The following CFH variants were observed in gnomAD, a reference collection of about 807,000 sequenced individuals.
CFH encodes H factor 1 (complement).
Under a neutral mutation model 147.3 loss-of-function variants are expected in CFH, and 53 were observed. That is an observed-to-expected ratio of 0.36 (90% confidence interval 0.29 to 0.45). The LOEUF (loss-of-function observed/expected upper bound fraction) is 0.45. Ranked by LOEUF, CFH falls within the 20% of genes least tolerant of loss-of-function variation. The probability of loss-of-function intolerance (pLI) is 1.00; values close to 1 mark genes in which losing one functional copy is unlikely to be tolerated. For missense variants in CFH, 1,380 were observed against 1,498.0 expected, an observed-to-expected ratio of 0.92 and a Z score of 1.30; for synonymous variants, 536 against 489.4, an observed-to-expected ratio of 1.10 and a Z score of -1.26.
rs1558172767 is a variant in CFH at position 196,713,753 on chromosome 1, G to C, written c.1355G>C (p.Ser452Thr). 14 of 1,592,250 alleles carry C rather than the reference G, an allele frequency of 8.8e-6. 1 individual carries two copies. Among genetic ancestry groups the C allele is most frequent in the Non-Finnish European group, 1.2e-5 (14 of 1,161,470 alleles). The part of the protein sequence containing the change: ...CIRVKTCSKS[S>T]IDIENGFISE... ...CTTTTAGAAACATGTTCCAAATCAA[G>C]TATAGATATTGAGAATGGGTTTATT... Residue 452 changes from serine to threonine, a missense_variant, in exon 10 of 22, where the codon AGT becomes ACT. Ser to Thr is a moderately conservative substitution (Grantham distance 58). Coordinates refer to ENST00000367429, the MANE Select transcript of CFH (RefSeq NM_000186.4).
At chr1:196,705,326 A>G (rs765059829) in intron 9 of CFH, among the ~76,000 whole-genome samples, 1 of 152,116 alleles carries the variant, frequency 6.6e-6, no homozygotes, top group Non-Finnish European at 1.5e-5. Context: ...CGGACTGGAG[A>G]GAAGCTCTTG....
intron 17 of CFH, among the ~76,000 whole-genome samples, chr1:196,738,495 A>T (rs895004234): frequency 1.6e-4 from 25 of 152,328 alleles, no homozygotes; most frequent in African/African-American, 6.0e-4. Flanking sequence ...CTTCCATTCC[A>T]AAAGGGAGGA....
intron 2 of CFH, chr1:196,673,377 G>C (rs145874136): frequency 1.8e-6 from 1 of 547,670 alleles, no homozygotes; most frequent in Admixed American, 3.1e-5. Context: ...TCCCTCTATC[G>C]CCTGGCTGGA....
chr1:196,658,952 C>G (rs897982677), intron 1 of CFH, among the ~76,000 whole-genome samples: 1 of 152,058 alleles, frequency 6.6e-6, no homozygotes, highest in Non-Finnish European at 1.5e-5. Flanking sequence ...AATTAACTGG[C>G]AATTAAATGA....
intron 10 of CFH, among the ~76,000 whole-genome samples, chr1:196,714,982 A>G (rs1233161242): frequency 6.6e-6 from 1 of 151,900 alleles, no homozygotes; most frequent in African/African-American, 2.4e-5. Flanking sequence ...AATATTTAAT[A>G]TACTCATGTT....
rs555746146 is a variant in CFH at position 196,690,711 on chromosome 1, A to G, written c.1336+472A>G. On this transcript the variant is annotated intron_variant, in intron 9 of 21. Transcript: ENST00000367429. ...TGAATCCCTGCCCCTGGTGGAGTGC[A>G]CTGGATTTTATAAACGGTCTTGAGG... Among the ~76,000 whole-genome samples the G allele has an allele frequency of 2.0e-5, 3 of 152,266 alleles. No individual in the cohort carries two copies. In the East Asian group the frequency reaches 5.8e-4, roughly 29 times the overall value.
At chr1:196,700,278 A>G (rs1399151751) in intron 9 of CFH, among the ~76,000 whole-genome samples, 1 of 152,190 alleles carries the variant, frequency 6.6e-6, no homozygotes, top group African/African-American at 2.4e-5. Flanking sequence ...TGCAATTGGT[A>G]AACTCTCTGT....
At chr1:196,729,205 A>T (rs1354493877) in intron 15 of CFH, among the ~76,000 whole-genome samples, 2 of 152,090 alleles carry the variant, frequency 1.3e-5, no homozygotes, top group African/African-American at 2.4e-5. Context: ...CAACCAATAC[A>T]AAAACTAATC....
intron 9 of CFH, among the ~76,000 whole-genome samples, chr1:196,708,750 G>A (rs1373187377): frequency 1.3e-5 from 2 of 151,954 alleles, no homozygotes; most frequent in African/African-American, 4.8e-5. Flanking sequence ...TATATTAAGG[G>A]CTCTCACTTA....
intron 18 of CFH, chr1:196,741,364 T>A (rs1167777250): frequency 5.7e-6 from 1 of 176,614 alleles, no homozygotes; most frequent in Non-Finnish European, 1.2e-5. Flanking sequence ...AGGCACCTTC[T>A]TCACAAGGTG....
chr1:196,742,118 T>C, intron 19 of CFH, 67 bp downstream of exon 19: 2 of 1,504,700 alleles, frequency 1.3e-6, no homozygotes, highest in Admixed American at 1.7e-5. Context: ...CTGGCGCCTG[T>C]AATCCCAGCA....
At chr1:196,657,833 T>G (rs1158837498) in intron 1 of CFH, among the ~76,000 whole-genome samples, 1 of 151,618 alleles carries the variant, frequency 6.6e-6, no homozygotes, top group Admixed American at 6.6e-5. Context: ...AATAGAATAA[T>G]TGAACAAAGA....
intron 1 of CFH, among the ~76,000 whole-genome samples, chr1:196,666,360 T>A (rs1399470085): frequency 1.3e-5 from 2 of 152,196 alleles, no homozygotes; most frequent in Non-Finnish European, 2.9e-5. Context: ...TCTAATTCAT[T>A]CGAGTTATAT....
chr1:196,693,849 C>A (rs1034528709), intron 9 of CFH, among the ~76,000 whole-genome samples: 1 of 151,780 alleles, frequency 6.6e-6, no homozygotes, highest in African/African-American at 2.4e-5. Context: ...TTGTTTTTGG[C>A]ATTTGTGAAT....
At chr1:196,737,401 A>G (rs1389760083) in intron 16 of CFH, 74 bp from the exon 17 acceptor site, 1 of 1,063,724 alleles carries the variant, frequency 9.4e-7, no homozygotes, top group Non-Finnish European at 1.4e-6. Context: ...AAAATCCGAA[A>G]TAGTATTTAG....
chr1:196,653,406 A>G (rs1666571728), intron 1 of CFH, among the ~76,000 whole-genome samples: 1 of 151,874 alleles, frequency 6.6e-6, no homozygotes, highest in Admixed American at 6.5e-5. Context: ...AACAATGTCA[A>G]TATTACCTAT....
chr1:196,736,873 C>G lies in CFH; in HGVS notation c.2463C>G (p.His821Gln), dbSNP rs1299388254. 1.3e-6 allele frequency: 2 copies of G among 1,593,764 alleles called. No individual in the cohort carries two copies. The highest frequency in any genetic ancestry group is 1.7e-6 in the Non-Finnish European group (2 of 1,168,984). ...CTCCACCTCAGATTCCCAATTCTCACAATATGACAACCACACTGAATTATC... is the reference window on the plus strand; with the variant it reads ...CTCCACCTCAGATTCCCAATTCTCAGAATATGACAACCACACTGAATTATC... Reference protein sequence around the residue: ...CPPPPQIPNSHNMTTTLNYRD... With the variant: ...CPPPPQIPNSQNMTTTLNYRD... Residue 821 changes from histidine (H) to glutamine (Q), a missense_variant, in exon 16 of 22, where the codon CAC (histidine) becomes CAG (glutamine). By Grantham distance (24) the His-to-Gln change is conservative. This residue lies in a region of CFH where 830 missense variants were observed against 821.4 expected (regional missense o/e 1.01). Coordinates refer to ENST00000367429, the MANE Select transcript of CFH (RefSeq NM_000186.4).
rs79934209 is a variant in CFH, at chr1:196,740,776, C to T, written c.2940C>T (p.His980=). 271 of 1,613,800 alleles carry T rather than the reference C, an allele frequency of 1.7e-4. 1 individual carries two copies. The East Asian group carries it at 6.0e-3, about 36-fold the overall frequency. The change falls in exon 18 of 22, where the codon CAC becomes CAT. Residue 980 remains histidine, a synonymous_variant. Transcript: ENST00000367429. ...IAKCLGEKWS[H]PPSCIKTDCL... is the part of the protein sequence containing the mutation. The stretch of plus-strand genomic sequence containing the variant: ...AATGCTTAGGAGAAAAATGGTCTCA[C>T]CCTCCATCATGCATAAGTATGGTGC...
chr1:196,707,219 T>C (rs1162229114), intron 9 of CFH, among the ~76,000 whole-genome samples: 1 of 152,176 alleles, frequency 6.6e-6, no homozygotes, highest in African/African-American at 2.4e-5. Context: ...GGAATAACAT[T>C]CTGTCCATTG....
Sources: gnomAD v4.1 joint callset for allele counts (sites outside exome capture counted in the v4.1 genomes callset) on GRCh38, gnomAD v4.1.1 for gene constraint, gnomAD v4.1.1 regional missense constraint, MANE v1.5 for transcripts, NCBI Gene and HGNC (gene_info 2026-07-23, HGNC 2026-07-21) for gene names.